The following COMMD1 variants were observed in gnomAD, a reference collection of about 807,000 sequenced individuals.
The protein encoded by COMMD1 is copper metabolism domain containing 1.
COMMD1 carries 10 observed loss-of-function variants against 17.2 expected under a neutral mutation model. The ratio of observed to expected loss-of-function variants is 0.58; its 90% CI spans 0.36 to 0.99. The LOEUF is 0.99. Among genes scored for constraint, COMMD1 ranks in the 50% least tolerant of loss-of-function variants. The probability of loss-of-function intolerance (pLI) is 0.01; values close to 1 mark genes in which losing one functional copy is unlikely to be tolerated. For missense variants in COMMD1, 270 were observed against 231.8 expected, an observed-to-expected ratio of 1.17 and a Z score of -1.07; for synonymous variants, 97 against 91.6, an observed-to-expected ratio of 1.06 and a Z score of -0.34.
chr2:61,898,037 A>T (rs766549446), intron 1 of COMMD1, among the ~76,000 whole-genome samples: 6 of 152,220 alleles, frequency 3.9e-5, no homozygotes, highest in Non-Finnish European at 8.8e-5. Context: ...TTTAGGTACT[A>T]AGTAATAACA....
At chr2:61,940,262 AG>A (rs1670708791) in intron 1 of COMMD1, among the ~76,000 whole-genome samples, 1 of 152,186 alleles carries the variant, frequency 6.6e-6, no homozygotes. Context: ...TATTTGTCAA[AG>A]GGCAGATTTA....
intron 1 of COMMD1, among the ~76,000 whole-genome samples, chr2:61,986,564 C>CTTTTTT (rs70946773): frequency 7.4e-5 from 7 of 94,556 alleles, no homozygotes; most frequent in Non-Finnish European, 1.1e-4. Flanking sequence ...AGGCATCATT[C>CTTTTTT]TTTTTTTTTT....
intron 2 of COMMD1, among the ~76,000 whole-genome samples, chr2:62,132,467 C>CT (rs1673067407): frequency 6.6e-6 from 1 of 152,160 alleles, no homozygotes. Flanking sequence ...GCTACATCAT[C>CT]TTTTTTATCA....
At chr2:62,057,402 A>C (rs1426893021) in intron 2 of COMMD1, among the ~76,000 whole-genome samples, 1 of 152,270 alleles carries the variant, frequency 6.6e-6, no homozygotes, top group African/African-American at 2.4e-5. Flanking sequence ...GATAAACCCT[A>C]TTAGCTCAAG....
intron 2 of COMMD1, among the ~76,000 whole-genome samples, chr2:62,077,130 G>GA (rs1184554978): frequency 2.6e-5 from 4 of 151,716 alleles, no homozygotes; most frequent in Admixed American, 6.6e-5. Flanking sequence ...GACCCTGTCT[G>GA]AAAAAAAATA....
At chr2:61,911,071 GAAACCCCATCTAAAAAAAAAAA>G (rs1409798391) in intron 1 of COMMD1, among the ~76,000 whole-genome samples, 1 of 145,056 alleles carries the variant, frequency 6.9e-6, no homozygotes, top group African/African-American at 2.6e-5. Context: ...CAACAAGAGC[GAAACCCCATCTAAAAAAAAAAA>G]AAATTTTTTT....
chr2:61,948,234 A>C (rs1380402745), intron 1 of COMMD1, among the ~76,000 whole-genome samples: 1 of 152,202 alleles, frequency 6.6e-6, no homozygotes, highest in East Asian at 1.9e-4. Context: ...TTTGCCTCCC[A>C]AGTAGCTGGG....
intron 2 of COMMD1, among the ~76,000 whole-genome samples, chr2:62,012,161 G>A (rs1669295724): frequency 6.6e-6 from 1 of 151,786 alleles, no homozygotes; most frequent in Admixed American, 6.6e-5. Flanking sequence ...GGAGGCTGAG[G>A]AACGAGAATC....
chr2:62,047,803 C>T (rs1020380534), intron 2 of COMMD1, among the ~76,000 whole-genome samples: 7 of 152,108 alleles, frequency 4.6e-5, no homozygotes, highest in African/African-American at 1.7e-4. Context: ...TATTTTTACA[C>T]TGTATATTTT....
intron 1 of COMMD1, among the ~76,000 whole-genome samples, chr2:61,892,344 G>A (rs1310194015): frequency 6.6e-6 from 1 of 151,982 alleles, no homozygotes; most frequent in Non-Finnish European, 1.5e-5. Flanking sequence ...AATAGCCCAC[G>A]ATGTCCTAGA....
At chr2:61,996,596 G>C (rs1367999247) in intron 1 of COMMD1, among the ~76,000 whole-genome samples, 1 of 152,050 alleles carries the variant, frequency 6.6e-6, no homozygotes, top group Non-Finnish European at 1.5e-5. Context: ...CCCTGCTGCT[G>C]CTTTATCAAC....
intron 1 of COMMD1, among the ~76,000 whole-genome samples, chr2:61,925,192 T>G (rs11688026): frequency 0.12 from 17,616 of 146,198 alleles, 2,416 homozygotes; most frequent in African/African-American, 0.35. Flanking sequence ...AGGGAGAGAG[T>G]GGGGGAGAGA....
intron 2 of COMMD1, among the ~76,000 whole-genome samples, chr2:62,015,066 G>C (rs1669398773): frequency 6.6e-6 from 1 of 152,126 alleles, no homozygotes; most frequent in Non-Finnish European, 1.5e-5. Context: ...TCGGATTACA[G>C]ATGAGCCACT....
At chr2:61,915,510 A>G (rs1670025251) in intron 1 of COMMD1, among the ~76,000 whole-genome samples, 1 of 152,018 alleles carries the variant, frequency 6.6e-6, no homozygotes, top group South Asian at 2.1e-4. Flanking sequence ...TTCTTAAGAG[A>G]CATAGTCTCA....
At chr2:62,015,262 A>G (rs1573072662) in intron 2 of COMMD1, among the ~76,000 whole-genome samples, 2 of 152,292 alleles carry the variant, frequency 1.3e-5, no homozygotes, top group East Asian at 3.9e-4. Context: ...CCTCATATAA[A>G]TAGAACCACA....
intron 1 of COMMD1, among the ~76,000 whole-genome samples, chr2:62,000,256 A>G (rs1175176170): frequency 6.7e-6 from 1 of 149,250 alleles, no homozygotes. Context: ...TTTTATTAAA[A>G]TTTATTTCAG....
In COMMD1 at chr2:62,107,731, C is replaced by T. The variant is rs561949379; in HGVS notation, c.463-28100C>T. 1.1e-4 allele frequency among the ~76,000 whole-genome samples: 16 copies of T among 152,218 alleles called. 1 individual carries two copies. Among genetic ancestry groups the T allele is most frequent in the South Asian group, 4.2e-4 (2 of 4,816 alleles). ...TTACTTATAATGTGGTTAGTTAAAC[C>T]GGCATTCATTTGGGAATTTTTTAGA... On this transcript the variant is annotated intron_variant, in intron 2 of 2. Transcript: ENST00000311832.
chr2:61,906,908 G>A (rs961630208), intron 1 of COMMD1, among the ~76,000 whole-genome samples: 5 of 152,020 alleles, frequency 3.3e-5, no homozygotes, highest in Admixed American at 2.6e-4. Context: ...TTCTTTAAAA[G>A]GCACTTCTGT....
intron 1 of COMMD1, among the ~76,000 whole-genome samples, chr2:61,971,247 G>C (rs1361997127): frequency 6.6e-6 from 1 of 152,198 alleles, no homozygotes; most frequent in Non-Finnish European, 1.5e-5. Flanking sequence ...TGAATAAAGG[G>C]GCGTGAGAGC....
Sources: allele counts gnomAD v4.1 joint callset (sites outside exome capture counted in the v4.1 genomes callset), GRCh38; gene constraint gnomAD v4.1.1; transcripts MANE v1.5; gene names NCBI Gene and HGNC (gene_info 2026-07-23, HGNC 2026-07-21).